Variants in ANKS1B observed in about 807,000 individuals in gnomAD.
ANKS1B encodes ankyrin repeat and sterile alpha motif domain-containing protein 1B.
In ANKS1B, 36 loss-of-function variants were observed where a neutral mutation model predicts 148.3. The ratio of observed to expected loss-of-function variants is 0.24; its 90% confidence interval spans 0.19 to 0.32. The LOEUF (loss-of-function observed/expected upper bound fraction) is 0.32, where lower values mean the gene tolerates loss of function less well. ANKS1B is among the 10% of genes least tolerant of loss of function. The probability of loss-of-function intolerance (pLI) is 1.00; values close to 1 mark genes in which losing one functional copy is unlikely to be tolerated. For synonymous variants in ANKS1B, 542 were observed against 560.8 expected (o/e 0.97, Z 0.47); for missense variants, 1,157 against 1,542.6 (o/e 0.75, Z 4.19).
At chr12:99,058,231 C>CTTTTTT (rs1032294121) in intron 16 of ANKS1B, among the ~76,000 whole-genome samples, 14 of 124,618 alleles carry the variant, frequency 1.1e-4, no homozygotes, top group African/African-American at 4.3e-4. Context: ...CATGCCACAT[C>CTTTTTT]TTTTTTTTTT....
intron 2 of ANKS1B, among the ~76,000 whole-genome samples, chr12:99,813,124 A>G (rs914150965): frequency 1.3e-5 from 2 of 151,704 alleles, no homozygotes; most frequent in Non-Finnish European, 3.0e-5. Flanking sequence ...CATTAATGCA[A>G]TTTCAACACA....
At position 99,404,797 on chromosome 12, in the gene ANKS1B, A is replaced by G. The variant is rs569454590; in HGVS notation, c.1576-4986T>C. On this transcript the variant is annotated intron_variant, in intron 11 of 26. Coordinates refer to ENST00000683438, the MANE Select transcript of ANKS1B (RefSeq NM_001352186.2). ...AAAGATCTCAATATTCAAGTATAAGAAGGCCATAGAATACCAAGGAGATTT... is the reference window on the plus strand; with the variant it reads ...AAAGATCTCAATATTCAAGTATAAGGAGGCCATAGAATACCAAGGAGATTT... 2.5e-4 allele frequency among the ~76,000 whole-genome samples: 36 copies of G among 145,722 alleles called. 7 individuals carry two copies. The highest frequency in any genetic ancestry group is 8.8e-4 in the African/African-American group (34 of 38,442).
chr12:99,632,765 A>ATTTTTTTT (rs1475764324), intron 9 of ANKS1B, among the ~76,000 whole-genome samples: 2 of 81,588 alleles, frequency 2.5e-5, no homozygotes, highest in South Asian at 4.0e-4. Context: ...ATATATATAT[A>ATTTTTTTT]TATTTTAATT....
At chr12:98,999,146 A>AATT (rs2099931419) in intron 17 of ANKS1B, among the ~76,000 whole-genome samples, 1 of 152,240 alleles carries the variant, frequency 6.6e-6, no homozygotes, top group South Asian at 2.1e-4. Flanking sequence ...GGCTGCTGAG[A>AATT]TACACCGTGC....
At chr12:98,985,091 T>A (rs2099922493) in intron 17 of ANKS1B, among the ~76,000 whole-genome samples, 1 of 152,160 alleles carries the variant, frequency 6.6e-6, no homozygotes, top group Non-Finnish European at 1.5e-5. Flanking sequence ...ATTTATCCAA[T>A]ATGACAAGCC....
chr12:99,577,090 A>C (rs1192487310), intron 9 of ANKS1B, among the ~76,000 whole-genome samples: 1 of 151,928 alleles, frequency 6.6e-6, no homozygotes, highest in Non-Finnish European at 1.5e-5. Context: ...GGGGAGTTTA[A>C]AAAAGCAGCA....
At chr12:99,347,836 G>A (rs2090926383) in intron 12 of ANKS1B, among the ~76,000 whole-genome samples, 1 of 151,710 alleles carries the variant, frequency 6.6e-6, no homozygotes, top group Non-Finnish European at 1.5e-5. Context: ...CCATTTACAG[G>A]GAAAAAAAGA....
chr12:98,806,571 T>C (rs1177576048), intron 20 of ANKS1B, among the ~76,000 whole-genome samples: 2 of 152,208 alleles, frequency 1.3e-5, no homozygotes, highest in Non-Finnish European at 2.9e-5. Context: ...ACATTTACTT[T>C]CTGTAATCTC....
rs1290435974 is a variant in ANKS1B, at chr12:98,745,838, T to A, written c.3759A>T (p.Pro1253=). The change falls in exon 27 of 27, where the codon CCA becomes CCT. Residue 1253 remains proline (P), a synonymous_variant. Transcript: ENST00000683438. The stretch of plus-strand genomic sequence containing the variant: ...GATTGGCCAGAGTCTTTTGCTCAGA[T>A]GGGTCGATCTGCTTTAAAACAGAAA... The part of the protein sequence containing the change: ...VSIRKSVQID[P]SEQKTLANLP... The A allele has an allele frequency of 6.2e-7, 1 of 1,613,154 alleles. No homozygotes were observed. The highest frequency in any genetic ancestry group is 1.1e-5 in the South Asian group (1 of 90,978).
In ANKS1B at chr12:99,845,956, T is replaced by A. The variant is rs1013622311; in HGVS notation, c.135-20567A>T. Among the ~76,000 whole-genome samples, 5 of 152,278 alleles carry A rather than the reference T, an allele frequency of 3.3e-5. No homozygotes were observed. The South Asian group carries it at 6.2e-4, about 19-fold the overall frequency. The stretch of plus-strand genomic sequence containing the variant: ...AAGAATGGCACATCATCTTTATGAA[T>A]TAAATGTTTTATTATTATTTTAAAA... On this transcript the variant is annotated intron_variant, in intron 1 of 26. Transcript: ENST00000683438.
chr12:99,851,081 C>A (rs897603142), intron 1 of ANKS1B, among the ~76,000 whole-genome samples: 5 of 151,966 alleles, frequency 3.3e-5, no homozygotes, highest in Non-Finnish European at 7.4e-5. Context: ...AGCTGCTCTC[C>A]ACCACCATAT....
chr12:98,901,501 T>G (rs1376960323), intron 17 of ANKS1B, among the ~76,000 whole-genome samples: 1 of 152,222 alleles, frequency 6.6e-6, no homozygotes, highest in East Asian at 1.9e-4. Flanking sequence ...GTGAGTAAGT[T>G]TCTAATAGAT....
intron 1 of ANKS1B, among the ~76,000 whole-genome samples, chr12:99,961,924 T>C (rs2095417388): frequency 6.6e-6 from 1 of 152,148 alleles, no homozygotes. Context: ...ACAAATACTT[T>C]GAAATACTGT....
chr12:98,872,694 G>C (rs1357967295), intron 17 of ANKS1B, among the ~76,000 whole-genome samples: 1 of 152,172 alleles, frequency 6.6e-6, no homozygotes, highest in Admixed American at 6.5e-5. Flanking sequence ...GCCAAGCTAA[G>C]GAGAGAGGTC....
chr12:99,137,787 G>A (rs1459998774), intron 15 of ANKS1B, among the ~76,000 whole-genome samples: 1 of 151,822 alleles, frequency 6.6e-6, no homozygotes, highest in East Asian at 1.9e-4. Flanking sequence ...ATGCTGTTCC[G>A]CTTGCCTGAA....
At chr12:99,638,208 A>G (rs911121077) in intron 9 of ANKS1B, among the ~76,000 whole-genome samples, 9 of 152,184 alleles carry the variant, frequency 5.9e-5, no homozygotes, top group African/African-American at 2.2e-4. Flanking sequence ...GAACTGGGTA[A>G]CCGGCAGAGG....
Position 98,827,924 on chromosome 12 carries a change from T to C in ANKS1B, c.3066+1250A>G, listed in dbSNP as rs180885205. 3.6e-3 allele frequency among the ~76,000 whole-genome samples: 551 copies of C among 152,248 alleles called. 4 individuals are homozygous for C. Among genetic ancestry groups the C allele is most frequent in the African/African-American group, 0.012 (508 of 41,542 alleles). Reference sequence around the variant, plus strand: ...TAACCACATATGTGACTCGAAAATATAACAAGTAACGAAATAAATGAAAAG... The same window carrying C: ...TAACCACATATGTGACTCGAAAATACAACAAGTAACGAAATAAATGAAAAG... On this transcript the variant is annotated intron_variant, in intron 19 of 26. Transcript: ENST00000683438.
chr12:99,684,913 T>C (rs781367674), intron 8 of ANKS1B, among the ~76,000 whole-genome samples: 5 of 152,108 alleles, frequency 3.3e-5, no homozygotes, highest in African/African-American at 7.2e-5. Flanking sequence ...TCTCACCTTA[T>C]ACAAAAATCA....
intron 17 of ANKS1B, among the ~76,000 whole-genome samples, chr12:99,006,963 T>G (rs1268369212): frequency 6.6e-6 from 1 of 152,182 alleles, no homozygotes; most frequent in Non-Finnish European, 1.5e-5. Flanking sequence ...AATTCTTAAC[T>G]ATTAAATAAG....
Sources: gnomAD v4.1 joint callset for allele counts (sites outside exome capture counted in the v4.1 genomes callset) on GRCh38, gnomAD v4.1.1 for gene constraint, MANE v1.5 for transcripts, NCBI Gene and HGNC (gene_info 2026-07-23, HGNC 2026-07-21) for gene names.